ZNF215: variants seen among roughly 807,000 people sequenced by gnomAD.
ZNF215 encodes the protein zinc finger protein 215.
A neutral mutation model predicts 27.2 loss-of-function variants in ZNF215; 24 were observed. The observed-to-expected ratio is 0.88, with a 90% CI of 0.64 to 1.24. The LOEUF (loss-of-function observed/expected upper bound fraction) is 1.24, where lower values mean the gene tolerates loss of function less well. Among genes scored for constraint, ZNF215 ranks in the 50% most tolerant of loss-of-function variants. The pLI is 0.00. For synonymous variants in ZNF215, 210 were observed against 204.0 expected (o/e 1.03, Z -0.25); for missense variants, 675 against 605.7 (o/e 1.11, Z -1.20).
At chr11:6,975,395 C>A (rs1850810554) in intron 5 of ZNF215, among the ~76,000 whole-genome samples, 1 of 151,958 alleles carries the variant, frequency 6.6e-6, no homozygotes, top group Non-Finnish European at 1.5e-5. Flanking sequence ...GATCCAGTTA[C>A]ACACTTAGTT....
chr11:6,935,328 G>A (rs1849395392), intron 3 of ZNF215, among the ~76,000 whole-genome samples: 1 of 152,224 alleles, frequency 6.6e-6, no homozygotes, highest in Non-Finnish European at 1.5e-5. Flanking sequence ...AGTTAAAAGT[G>A]TCTGAGTGAG....
chr11:6,972,334 C>A (rs1000951535), intron 5 of ZNF215, among the ~76,000 whole-genome samples: 1 of 150,760 alleles, frequency 6.6e-6, no homozygotes, highest in Non-Finnish European at 1.5e-5. Context: ...ACTTTATTTA[C>A]AAAAACAGGT....
intron 6 of ZNF215, among the ~76,000 whole-genome samples, chr11:6,945,152 C>T (rs1432759823): frequency 5.9e-5 from 9 of 152,102 alleles, no homozygotes; most frequent in Admixed American, 5.9e-4. Context: ...TCCTAGCAAA[C>T]ACTGGGTATT....
chr11:6,990,870 G>C (rs768667442), downstream of ZNF215, among the ~76,000 whole-genome samples: 2 of 152,194 alleles, frequency 1.3e-5, no homozygotes, highest in Non-Finnish European at 2.9e-5. Context: ...ATTTAAATTA[G>C]TGTGGCACTC....
At chr11:6,931,948 G>A (rs1298934939) in intron 2 of ZNF215, 146 bp from the exon 3 acceptor site, 3 of 203,436 alleles carry the variant, frequency 1.5e-5, no homozygotes, top group Non-Finnish European at 3.0e-5. Context: ...GAAAGGGAAA[G>A]CATATTTTCT....
At chr11:6,927,571 G>A (rs907655656) in intron 1 of ZNF215, 91 bp from the exon 2 acceptor site, 18 of 152,230 alleles carry the variant, frequency 1.2e-4, no homozygotes, top group African/African-American at 4.3e-4. Flanking sequence ...CTGGCTCCGT[G>A]TCTTAATCCT....
At chr11:6,968,099 G>A (rs1175735026) in intron 5 of ZNF215, among the ~76,000 whole-genome samples, 1 of 152,170 alleles carries the variant, frequency 6.6e-6, no homozygotes, top group Non-Finnish European at 1.5e-5. Flanking sequence ...GGTTGTAGAT[G>A]TGTGGTGATA....
At chr11:6,964,076 CTA>C (rs1850568797) in intron 5 of ZNF215, among the ~76,000 whole-genome samples, 1 of 151,898 alleles carries the variant, frequency 6.6e-6, no homozygotes, top group Admixed American at 6.6e-5. Context: ...TTCTGAATGA[CTA>C]TATTTTCATG....
At chr11:6,960,272 G>A (rs374751549), downstream of ZNF215, among the ~76,000 whole-genome samples, 403 of 152,186 alleles carry the variant, frequency 2.6e-3, 2 homozygotes, top group African/African-American at 9.1e-3. Flanking sequence ...TATTGAGAGC[G>A]TTTAAAAAGT....
chr11:6,965,109 A>T (rs1850593850), intron 5 of ZNF215, among the ~76,000 whole-genome samples: 1 of 152,154 alleles, frequency 6.6e-6, no homozygotes. Context: ...TAATGTGAGT[A>T]AACAGTGTTG....
At chr11:6,953,617 A>G (rs1481219384) in intron 6 of ZNF215, among the ~76,000 whole-genome samples, 1 of 152,176 alleles carries the variant, frequency 6.6e-6, no homozygotes, top group East Asian at 1.9e-4. Context: ...TGTATTGGTT[A>G]TTCTAGTTAT....
downstream of ZNF215, among the ~76,000 whole-genome samples, chr11:6,960,051 A>G (rs1296176792): frequency 6.6e-6 from 1 of 152,168 alleles, no homozygotes; most frequent in Admixed American, 6.5e-5. Context: ...TGGTCTAAAA[A>G]GTTAAATGCC....
intron 6 of ZNF215, among the ~76,000 whole-genome samples, chr11:6,946,985 T>C (rs1033656317): frequency 2.0e-5 from 3 of 152,240 alleles, no homozygotes; most frequent in South Asian, 4.1e-4. Flanking sequence ...TAACATCTTA[T>C]TTAAATTCTG....
At chr11:6,929,518 C>T (rs905910453) in intron 2 of ZNF215, among the ~76,000 whole-genome samples, 1 of 152,080 alleles carries the variant, frequency 6.6e-6, no homozygotes, top group African/African-American at 2.4e-5. Context: ...CTCAGACATT[C>T]CTTGTTTCTG....
rs180828211 is a variant in ZNF215, at chr11:6,954,048, C to T, written c.713-1642C>T. Among the ~76,000 whole-genome samples the T allele has an allele frequency of 1.1e-4, 17 of 152,256 alleles. No individual in the cohort carries two copies. The East Asian group carries it at 1.7e-3, about 16-fold the overall frequency. Reference sequence around the variant, plus strand: ...ACCAGCAATGGTGGCTGCAGAACAGCGGATTTTTGTGAACCAGAATGCTGC... The same window carrying T: ...ACCAGCAATGGTGGCTGCAGAACAGTGGATTTTTGTGAACCAGAATGCTGC... On this transcript the variant is annotated intron_variant, in intron 6 of 6. Transcript: ENST00000278319.
Position 6,956,125 on chromosome 11 carries a change from A to G in ZNF215, c.1148A>G (p.Gln383Arg), listed in dbSNP as rs1365864518. 2 of 1,613,734 alleles carry G rather than the reference A, an allele frequency of 1.2e-6. No individual in the cohort carries two copies. The highest frequency in any genetic ancestry group is 2.7e-5 in the African/African-American group (2 of 74,946). The part of the protein sequence containing the change: ...HTTMNSYECY[Q>R]CGKAFCRSSS... Reference sequence around the variant, plus strand: ...ACAATGAATTCCTATGAATGTTATCAATGTGGGAAAGCCTTCTGCCGAAGT... The same window carrying G: ...ACAATGAATTCCTATGAATGTTATCGATGTGGGAAAGCCTTCTGCCGAAGT... The change falls in exon 7 of 7, where the codon CAA becomes CGA. Residue 383 changes from glutamine (Q) to arginine (R), a missense_variant. Transcript: ENST00000278319.
chr11:6,978,763 A>T (rs1171713604), intron 5 of ZNF215, among the ~76,000 whole-genome samples: 1 of 152,044 alleles, frequency 6.6e-6, no homozygotes, highest in Non-Finnish European at 1.5e-5. Context: ...TACCAAAAAA[A>T]AAAATGTATT....
downstream of ZNF215, among the ~76,000 whole-genome samples, chr11:6,993,920 C>T (rs537364760): frequency 6.6e-6 from 1 of 152,294 alleles, no homozygotes; most frequent in South Asian, 2.1e-4. Context: ...GCCATACCTT[C>T]TTGTTTTAGC....
At chr11:6,934,778 G>A (rs1415570864) in intron 3 of ZNF215, among the ~76,000 whole-genome samples, 2 of 152,110 alleles carry the variant, frequency 1.3e-5, no homozygotes, top group African/African-American at 2.4e-5. Flanking sequence ...AATCACATCT[G>A]CAGAGTCTCT....
Sources: allele counts gnomAD v4.1 joint callset (sites outside exome capture counted in the v4.1 genomes callset), GRCh38; gene constraint gnomAD v4.1.1; transcripts MANE v1.5; gene names NCBI Gene and HGNC (gene_info 2026-07-23, HGNC 2026-07-21).